DLGAP2: variants seen among roughly 807,000 people sequenced by gnomAD.
DLGAP2 encodes DLG associated protein 2, also known as disks large-associated protein 2.
Under a neutral mutation model 100.3 loss-of-function variants are expected in DLGAP2, and 26 were observed. That is an observed-to-expected ratio of 0.26 (90% CI 0.19 to 0.36). The LOEUF is 0.36. DLGAP2 is among the 10% of genes least tolerant of loss of function. DLGAP2 has a pLI of 1.00. For missense variants in DLGAP2, 1,858 were observed against 1,453.2 expected (o/e 1.28, Z -4.53); for synonymous variants, 886 against 630.1 (o/e 1.41, Z -6.08).
At chr8:870,154 A>T (rs1004280147) in intron 1 of DLGAP2, among the ~76,000 whole-genome samples, 13 of 152,040 alleles carry the variant, frequency 8.6e-5, no homozygotes, top group Non-Finnish European at 1.8e-4. Flanking sequence ...CATTATCTTG[A>T]TTTTATTCTA....
In DLGAP2 at chr8:1,549,217, A is replaced by G. The variant is rs769986553; in HGVS notation, c.764A>G (p.Asn255Ser). 3.1e-6 allele frequency: 5 copies of G among 1,604,012 alleles called. No individual in the cohort carries two copies. In the South Asian group the frequency reaches 4.4e-5, roughly 14 times the overall value. ...SLEGSSKSNA[N>S]GTKADGRADD... ...GAGGGCTCCTCCAAAAGCAACGCCA[A>G]CGGCACCAAGGCGGACGGCCGGGCG... Residue 255 changes from asparagine to serine, a missense_variant, in exon 5 of 15, where the codon AAC becomes AGC. Physicochemically the swap from Asn to Ser is conservative, Grantham distance 46. Transcript: ENST00000637795.
intron 3 of DLGAP2, among the ~76,000 whole-genome samples, chr8:1,282,587 A>T (rs1404590920): frequency 2.0e-4 from 20 of 101,170 alleles, no homozygotes; most frequent in African/African-American, 7.7e-4. Flanking sequence ...CCATCTGGAC[A>T]TGGTGTGACC....
chr8:1,292,913 G>C (rs2116973616), intron 3 of DLGAP2, among the ~76,000 whole-genome samples: 1 of 152,266 alleles, frequency 6.6e-6, no homozygotes, highest in South Asian at 2.1e-4. Context: ...TCCCCTCTGA[G>C]TGCTCCTAAG....
chr8:1,662,518 G>T (rs530675082), intron 8 of DLGAP2, among the ~76,000 whole-genome samples: 1 of 152,256 alleles, frequency 6.6e-6, no homozygotes, highest in East Asian at 1.9e-4. Flanking sequence ...GAGAAATAAG[G>T]TTCTGCTATG....
intron 1 of DLGAP2, among the ~76,000 whole-genome samples, chr8:770,709 G>A (rs1402864723): frequency 6.6e-6 from 1 of 152,170 alleles, no homozygotes; most frequent in Non-Finnish European, 1.5e-5. Context: ...TGGGCCGGCT[G>A]TGGAACAGGT....
At chr8:1,370,145 C>T (rs541217328) in intron 3 of DLGAP2, among the ~76,000 whole-genome samples, 4 of 152,256 alleles carry the variant, frequency 2.6e-5, no homozygotes, top group Admixed American at 1.3e-4. Flanking sequence ...AGGTCTTCCT[C>T]GAATTGAGCC....
chr8:858,159 C>G (rs977110580), intron 1 of DLGAP2, among the ~76,000 whole-genome samples: 3 of 152,208 alleles, frequency 2.0e-5, no homozygotes, highest in Non-Finnish European at 2.9e-5. Flanking sequence ...GCCCAGTGCA[C>G]ATGAATGTTT....
intron 2 of DLGAP2, among the ~76,000 whole-genome samples, chr8:1,206,501 G>C (rs796145736): frequency 9.4e-5 from 9 of 95,282 alleles, no homozygotes; most frequent in East Asian, 2.9e-4. Context: ...GGGGTAGACT[G>C]TGAGCGGTTA....
At chr8:802,363 C>T (rs1796187732) in intron 1 of DLGAP2, among the ~76,000 whole-genome samples, 1 of 151,664 alleles carries the variant, frequency 6.6e-6, no homozygotes, top group Non-Finnish European at 1.5e-5. Context: ...CCTCAGGCCA[C>T]AGCTTCCCTC....
At chr8:1,513,321 G>A (rs563852803) in intron 4 of DLGAP2, among the ~76,000 whole-genome samples, 2 of 151,552 alleles carry the variant, frequency 1.3e-5, no homozygotes, top group South Asian at 4.2e-4. Context: ...AAGGGAGGAC[G>A]GGAGAGGCCA....
chr8:1,440,181 G>A (rs115363212), intron 3 of DLGAP2, among the ~76,000 whole-genome samples: 2,092 of 152,262 alleles, frequency 0.014, 50 homozygotes, highest in African/African-American at 0.046. Flanking sequence ...AAAAGACCCT[G>A]ATACAACTTC....
chr8:1,194,438 G>C (rs1313149829), intron 2 of DLGAP2, among the ~76,000 whole-genome samples: 1 of 152,134 alleles, frequency 6.6e-6, no homozygotes, highest in Non-Finnish European at 1.5e-5. Flanking sequence ...TCCTGCCCAG[G>C]GCGGCCTCCA....
chr8:1,077,207 G>A (rs1310218576), intron 2 of DLGAP2, among the ~76,000 whole-genome samples: 1 of 152,216 alleles, frequency 6.6e-6, no homozygotes, highest in African/African-American at 2.4e-5. Flanking sequence ...CCAGTCATGT[G>A]GGGGCAGGAT....
At chr8:1,258,244 G>A (rs1799270119) in intron 2 of DLGAP2, among the ~76,000 whole-genome samples, 1 of 152,188 alleles carries the variant, frequency 6.6e-6, no homozygotes. Flanking sequence ...TTGAAACTGG[G>A]ATAAAATAGA....
intron 6 of DLGAP2, among the ~76,000 whole-genome samples, chr8:1,597,575 G>T (rs1035774505): frequency 4.6e-5 from 7 of 152,028 alleles, no homozygotes; most frequent in African/African-American, 1.4e-4. Flanking sequence ...CCTTGAAGAG[G>T]TCCTTCACAT....
chr8:1,314,784 G>C (rs1041969564), intron 3 of DLGAP2, among the ~76,000 whole-genome samples: 1 of 152,184 alleles, frequency 6.6e-6, no homozygotes, highest in Admixed American at 6.5e-5. Flanking sequence ...CTGAATTTTC[G>C]TGGAAGTTTC....
chr8:1,487,323 C>T (rs1300131240), intron 3 of DLGAP2, among the ~76,000 whole-genome samples: 1 of 152,086 alleles, frequency 6.6e-6, no homozygotes, highest in Non-Finnish European at 1.5e-5. Flanking sequence ...AGTTCTATGG[C>T]TAAGTAGTAC....
intron 2 of DLGAP2, among the ~76,000 whole-genome samples, chr8:1,194,836 G>A (rs1199535583): frequency 1.3e-5 from 2 of 152,184 alleles, no homozygotes; most frequent in Non-Finnish European, 2.9e-5. Context: ...TGACGTGTGT[G>A]GCCAGGGTTC....
intron 6 of DLGAP2, among the ~76,000 whole-genome samples, chr8:1,592,394 G>T (rs147123262): frequency 6.6e-6 from 1 of 151,814 alleles, no homozygotes. Flanking sequence ...TTGGCCTGAC[G>T]TGTGCCTCTG....
Sources: allele counts gnomAD v4.1 joint callset (sites outside exome capture counted in the v4.1 genomes callset), GRCh38; gene constraint gnomAD v4.1.1; transcripts MANE v1.5; gene names NCBI Gene and HGNC (gene_info 2026-07-23, HGNC 2026-07-21).